The following SPTA1 variants were observed in gnomAD, a reference collection of about 807,000 sequenced individuals.
SPTA1 encodes the protein spectrin alpha, erythrocytic 1.
A neutral mutation model predicts 324.7 loss-of-function variants in SPTA1; 177 were observed. The ratio of observed to expected loss-of-function variants is 0.55; its 90% confidence interval spans 0.48 to 0.62. The LOEUF (loss-of-function observed/expected upper bound fraction) is 0.62, where lower values mean the gene tolerates loss of function less well. Ranked by LOEUF, SPTA1 falls within the 20% of genes least tolerant of loss-of-function variation. The probability of loss-of-function intolerance (pLI) is 0.00; values close to 1 mark genes in which losing one functional copy is unlikely to be tolerated. For synonymous variants in SPTA1, 1,195 were observed against 1,041.3 expected (o/e 1.15, Z -2.84); for missense variants, 3,162 against 2,883.6 (o/e 1.10, Z -2.21).
In SPTA1 at chr1:158,644,311, T is replaced by A; in HGVS notation, c.4280A>T (p.Asp1427Val). 2.5e-6 allele frequency: 4 copies of A among 1,613,968 alleles called. No individual in the cohort carries two copies. ...TTTCTTCATCAAAGCCTCCAGACTGTCTAAGGAACTTTTGTCATCTGACCT... is the reference window on the plus strand; with the variant it reads ...TTTCTTCATCAAAGCCTCCAGACTGACTAAGGAACTTTTGTCATCTGACCT... ...SLRSDDKSSLDSLEALMKKRD... is the reference protein window; with the variant it reads ...SLRSDDKSSLVSLEALMKKRD... Residue 1427 changes from aspartate (D) to valine (V), a missense_variant, in exon 30 of 52, where the codon GAC becomes GTC. Coordinates refer to ENST00000643759, the MANE Select transcript of SPTA1 (RefSeq NM_003126.4).
At chr1:158,636,834 T>C (rs1386176428) in intron 36 of SPTA1, 73 bp from the exon 37 acceptor site, 5 of 1,607,062 alleles carry the variant, frequency 3.1e-6, no homozygotes, top group Admixed American at 1.7e-5. Context: ...TAGCTTTCTA[T>C]GACTATGTGT....
chr1:158,658,271 A>T (rs1302209976), intron 18 of SPTA1, among the ~76,000 whole-genome samples: 1 of 152,208 alleles, frequency 6.6e-6, no homozygotes, highest in Non-Finnish European at 1.5e-5. Context: ...GAGGACACAG[A>T]GATCAACATT....
intron 2 of SPTA1, among the ~76,000 whole-genome samples, chr1:158,684,463 TTTTGCCTGTAGG>T (rs1318909963): frequency 1.3e-5 from 2 of 152,126 alleles, no homozygotes; most frequent in Admixed American, 6.5e-5. Flanking sequence ...GCAGTTGCTG[TTTTGCCTGTAGG>T]TCAATTTCAG....
At chr1:158,628,128 G>A (rs1177901960) in intron 39 of SPTA1, among the ~76,000 whole-genome samples, 1 of 152,110 alleles carries the variant, frequency 6.6e-6, no homozygotes, top group Admixed American at 6.6e-5. Context: ...ATCCTAAAGA[G>A]AAGTTAAGGG....
intron 5 of SPTA1, among the ~76,000 whole-genome samples, chr1:158,680,095 A>T (rs1654688254): frequency 6.6e-6 from 1 of 152,214 alleles, no homozygotes; most frequent in Admixed American, 6.5e-5. Flanking sequence ...TATTTTCTTA[A>T]GTAAATAAAA....
intron 16 of SPTA1, among the ~76,000 whole-genome samples, chr1:158,666,025 A>G (rs1557976096): frequency 6.6e-6 from 1 of 152,124 alleles, no homozygotes; most frequent in Non-Finnish European, 1.5e-5. Context: ...CTGAGCACCC[A>G]GCACCCCTGG....
At position 158,612,872 on chromosome 1, in the gene SPTA1, G is replaced by A. The variant is rs375552473; in HGVS notation, c.7079C>T (p.Ala2360Val). The A allele has an allele frequency of 6.2e-7, 1 of 1,613,802 alleles. No homozygotes were observed. Among genetic ancestry groups the A allele is most frequent in the Non-Finnish European group, 8.5e-7 (1 of 1,179,898 alleles). Residue 2360 changes from alanine to valine, a missense_variant, in exon 51 of 52, where the codon GCC becomes GTC. Coordinates refer to ENST00000643759, the MANE Select transcript of SPTA1 (RefSeq NM_003126.4). ...CTTGCCCTCTGCCAGGGCTTGGAAG[G>A]CATTCTCTATTTCATCACTGGACTT... is the stretch of plus-strand genomic sequence containing the variant. ...NIKSSDEIEN[A>V]FQALAEGKSY...
chr1:158,680,662 A>T lies in SPTA1; in HGVS notation c.599T>A (p.Phe200Tyr). Residue 200 changes from phenylalanine (F) to tyrosine (Y), a missense_variant, in exon 5 of 52, where the codon TTT (phenylalanine) becomes TAT (tyrosine). Physicochemically the swap from Phe to Tyr is conservative, Grantham distance 22. Coordinates refer to ENST00000643759, the MANE Select transcript of SPTA1 (RefSeq NM_003126.4). ...WERTEVLHKK[F>Y]EDFQVELVAK... ...TACCAGCTCCACTTGGAAGTCTTCA[A>T]ATTTCTTATGCAGAACTTCGGTGCG... The T allele has an allele frequency of 6.2e-7, 1 of 1,613,944 alleles. No homozygotes were observed. The highest frequency in any genetic ancestry group is 1.3e-5 in the African/African-American group (1 of 75,020).
intron 31 of SPTA1, 66 bp downstream of exon 31, chr1:158,643,256 A>G (rs1043774915): frequency 1.5e-5 from 23 of 1,565,902 alleles, no homozygotes; most frequent in East Asian, 2.2e-5. Flanking sequence ...CCCCATCTCA[A>G]TGCTAGCAAA....
In SPTA1 at chr1:158,636,682, G is replaced by A. The variant is rs754598605; in HGVS notation, c.5269C>T (p.Arg1757Cys). The A allele has an allele frequency of 6.0e-5, 97 of 1,613,930 alleles. 1 individual carries two copies. In the East Asian group the frequency reaches 1.3e-3, roughly 22 times the overall value. ...GVQNLLKKHKRLEGELVAHEP... is the reference protein window; with the variant it reads ...GVQNLLKKHKCLEGELVAHEP... ...TGGGCCACCAGCTCCCCCTCTAGGC[G>A]TTTGTGCTTCTTCAGCAAGTTCTGA... is the stretch of plus-strand genomic sequence containing the variant. Residue 1757 changes from arginine (R) to cysteine (C), a missense_variant, in exon 37 of 52, where the codon CGC (arginine) becomes TGC (cysteine). Coordinates refer to ENST00000643759, the MANE Select transcript of SPTA1 (RefSeq NM_003126.4).
chr1:158,626,207 C>T lies in SPTA1; in HGVS notation c.5849G>A (p.Ser1950Asn), dbSNP rs1650254542. The change falls in exon 42 of 52, where the codon AGC becomes AAC. Residue 1950 changes from serine (S) to asparagine (N), a missense_variant. Transcript: ENST00000643759. ...VEAWIADKET[S>N]LKTNGNGADL... ...TGCACCATTGCCATTGGTCTTTAGG[C>T]TTGTTTCCTTATCAGCTAAAAGGCA... 1.2e-6 allele frequency: 2 copies of T among 1,613,588 alleles called. No individual in the cohort carries two copies. The highest frequency in any genetic ancestry group is 1.7e-6 in the Non-Finnish European group (2 of 1,179,604).
At chr1:158,645,040 A>G in intron 29 of SPTA1, 148 bp downstream of exon 29, 1 of 844,936 alleles carries the variant, frequency 1.2e-6, no homozygotes, top group Non-Finnish European at 2.0e-6. Flanking sequence ...TATAGAAAGC[A>G]TAGTACAATG....
chr1:158,645,346 G>T lies in SPTA1; in HGVS notation c.4036C>A (p.Gln1346Lys), dbSNP rs549201986. ...TCTGCACTGAAGTCCTCTAAGGCCT[G>T]GAAGGTGGGAGCCTCTGCCTCCATG... ...ADMEAEAPTF[Q>K]ALEDFSAELI... is the part of the protein sequence containing the mutation. The change falls in exon 29 of 52, where the codon CAG becomes AAG. Residue 1346 changes from glutamine (Q) to lysine (K), a missense_variant. Physicochemically the swap from Gln to Lys is moderately conservative, Grantham distance 53 (BLOSUM62 1). Coordinates refer to ENST00000643759, the MANE Select transcript of SPTA1 (RefSeq NM_003126.4). 10 of 1,614,042 alleles carry T rather than the reference G, an allele frequency of 6.2e-6. No individual in the cohort carries two copies. In the East Asian group the frequency reaches 2.2e-4, roughly 36 times the overall value.
chr1:158,632,508 C>T (rs1650751815), intron 39 of SPTA1, among the ~76,000 whole-genome samples: 1 of 152,088 alleles, frequency 6.6e-6, no homozygotes, highest in Admixed American at 6.5e-5. Flanking sequence ...AATAGAGAGA[C>T]ATTTCACTGA....
In SPTA1 at chr1:158,678,782, A is replaced by C. The variant is rs1654587797; in HGVS notation, c.679-248T>G. Among the ~76,000 whole-genome samples, 2 of 152,100 alleles carry C rather than the reference A, an allele frequency of 1.3e-5. 1 individual carries two copies. Among genetic ancestry groups the C allele is most frequent in the South Asian group, 4.1e-4 (2 of 4,832 alleles). ...CAGCAGTGGACTAGCCTATTAGCACAGGTTGCCCAGCCCTGATGTTATTTT... is the reference window on the plus strand; with the variant it reads ...CAGCAGTGGACTAGCCTATTAGCACCGGTTGCCCAGCCCTGATGTTATTTT... On this transcript the variant is annotated intron_variant, in intron 5 of 51. Transcript: ENST00000643759.
In SPTA1 at chr1:158,623,042, G is replaced by C; in HGVS notation, c.6061C>G (p.Leu2021Val). 6.2e-7 allele frequency: 1 copy of C among 1,614,178 alleles called. No individual in the cohort carries two copies. Among genetic ancestry groups the C allele is most frequent in the Non-Finnish European group, 8.5e-7 (1 of 1,180,036 alleles). Residue 2021 changes from leucine to valine, a missense_variant, in exon 43 of 52, where the codon CTG (leucine) becomes GTG (valine). Physicochemically the swap from Leu to Val is conservative, Grantham distance 32. Transcript: ENST00000643759. Reference sequence around the variant, plus strand: ...TGTCTGTGGACTGCCGAGGCTTCCAGCAACTGTTCCCAGCGCTTCAGCAGA... The same window carrying C: ...TGTCTGTGGACTGCCGAGGCTTCCACCAACTGTTCCCAGCGCTTCAGCAGA... ...AALLKRWEQL[L>V]EASAVHRQKL...
intron 45 of SPTA1, 84 bp downstream of exon 45, chr1:158,619,138 C>T: frequency 1.5e-6 from 2 of 1,295,628 alleles, no homozygotes; most frequent in Non-Finnish European, 2.2e-6. Context: ...CAGAGTCTCT[C>T]CTCTTCCCTT....
intron 51 of SPTA1, chr1:158,611,797 C>G (rs1216566570): frequency 5.0e-6 from 1 of 201,084 alleles, no homozygotes; most frequent in Non-Finnish European, 1.0e-5. Flanking sequence ...AGTGGTTACA[C>G]TGCCAGAAAG....
intron 25 of SPTA1, 77 bp downstream of exon 25, chr1:158,649,779 T>C (rs770433328): frequency 4.3e-5 from 50 of 1,170,000 alleles, no homozygotes; most frequent in Non-Finnish European, 5.9e-5. Flanking sequence ...ATACTATGGT[T>C]CCACCATAGT....
Sources: gnomAD v4.1 joint callset for allele counts (sites outside exome capture counted in the v4.1 genomes callset) on GRCh38, gnomAD v4.1.1 for gene constraint, MANE v1.5 for transcripts, NCBI Gene and HGNC (gene_info 2026-07-23, HGNC 2026-07-21) for gene names.